The following BABAM2 variants were observed in gnomAD, a reference collection of about 807,000 sequenced individuals.
BABAM2 encodes BRISC and BRCA1-A complex member 2.
In BABAM2, 31 loss-of-function variants were observed where a neutral mutation model predicts 54.7. That is an observed-to-expected ratio of 0.57 (90% confidence interval 0.43 to 0.77). The LOEUF is 0.77. Among genes scored for constraint, BABAM2 ranks in the 30% least tolerant of loss-of-function variants. The probability of loss-of-function intolerance (pLI) is 0.00; values close to 1 mark genes in which losing one functional copy is unlikely to be tolerated. For missense variants in BABAM2, 364 were observed against 455.8 expected (o/e 0.80, Z 1.83); for synonymous variants, 167 against 162.9 (o/e 1.03, Z -0.19).
At chr2:28,291,214 C>T (rs931912238) in intron 10 of BABAM2, among the ~76,000 whole-genome samples, 2 of 152,164 alleles carry the variant, frequency 1.3e-5, no homozygotes, top group African/African-American at 2.4e-5. Context: ...CAAGGGCATA[C>T]CATGCTGTCT....
At chr2:28,126,176 G>A (rs890271718) in intron 6 of BABAM2, among the ~76,000 whole-genome samples, 100 of 151,270 alleles carry the variant, frequency 6.6e-4, no homozygotes, top group Non-Finnish European at 1.1e-3. Flanking sequence ...AAGTTTTAGG[G>A]TACATGTGCA....
At chr2:28,207,391 G>GCAA (rs1436161034) in intron 7 of BABAM2, among the ~76,000 whole-genome samples, 11 of 151,162 alleles carry the variant, frequency 7.3e-5, no homozygotes, top group Non-Finnish European at 1.2e-4. Flanking sequence ...AAAAACAGCA[G>GCAA]CAGCAACAAC....
chr2:27,892,038 A>G (rs1664898599), intron 1 of BABAM2, among the ~76,000 whole-genome samples: 1 of 152,178 alleles, frequency 6.6e-6, no homozygotes, highest in African/African-American at 2.4e-5. Context: ...CACATTTTAT[A>G]AGATATACGC....
intron 2 of BABAM2, among the ~76,000 whole-genome samples, chr2:27,895,475 C>T (rs1446725951): frequency 6.6e-6 from 1 of 151,930 alleles, no homozygotes; most frequent in Non-Finnish European, 1.5e-5. Flanking sequence ...ATGTTTTTTT[C>T]CCAAGTGTAG....
At chr2:28,107,459 C>T (rs1223785911) in intron 6 of BABAM2, among the ~76,000 whole-genome samples, 2 of 152,232 alleles carry the variant, frequency 1.3e-5, no homozygotes, top group African/African-American at 4.8e-5. Context: ...TCACCCTTCT[C>T]ACCAGTATCC....
intron 11 of BABAM2, among the ~76,000 whole-genome samples, chr2:28,319,894 G>A (rs572739257): frequency 9.2e-5 from 14 of 151,684 alleles, no homozygotes; most frequent in African/African-American, 3.2e-4. Flanking sequence ...GGCTCACGGT[G>A]GGGGAAGTGA....
intron 11 of BABAM2, among the ~76,000 whole-genome samples, chr2:28,334,444 G>A (rs963150864): frequency 6.6e-6 from 1 of 152,264 alleles, no homozygotes; most frequent in Admixed American, 6.5e-5. Context: ...CTATAGTGCA[G>A]CTCAGCTGCA....
chr2:28,111,098 A>T (rs981728561), intron 6 of BABAM2, among the ~76,000 whole-genome samples: 1 of 144,902 alleles, frequency 6.9e-6, no homozygotes, highest in Non-Finnish European at 1.5e-5. Flanking sequence ...CCTCCCAAGT[A>T]TCTGGGATTA....
At chr2:27,952,252 T>A (rs1444596915) in intron 3 of BABAM2, among the ~76,000 whole-genome samples, 1 of 152,244 alleles carries the variant, frequency 6.6e-6, no homozygotes, top group Non-Finnish European at 1.5e-5. Context: ...AATCTGACAG[T>A]CTTTGCCTGT....
chr2:28,163,705 A>T (rs933881788), intron 7 of BABAM2, among the ~76,000 whole-genome samples: 7 of 152,210 alleles, frequency 4.6e-5, no homozygotes, highest in African/African-American at 1.7e-4. Flanking sequence ...CCCCATCTTA[A>T]CACAATGTAC....
chr2:28,127,926 C>G (rs113759937), intron 6 of BABAM2, among the ~76,000 whole-genome samples: 1 of 151,950 alleles, frequency 6.6e-6, no homozygotes, highest in South Asian at 2.1e-4. Context: ...CCTGCCTCAG[C>G]GTCCCAAGCA....
chr2:27,997,604 G>A (rs532569237), intron 4 of BABAM2, among the ~76,000 whole-genome samples: 8 of 152,250 alleles, frequency 5.3e-5, no homozygotes, highest in African/African-American at 1.9e-4. Context: ...TAATTTGAAA[G>A]CATGTGTTAT....
chr2:28,072,391 C>CTT (rs879868312), intron 6 of BABAM2, among the ~76,000 whole-genome samples: 2 of 137,656 alleles, frequency 1.5e-5, no homozygotes, highest in Non-Finnish European at 1.6e-5. Flanking sequence ...AGCCTGGATT[C>CTT]TTTTTTTTTT....
At chr2:28,075,397 A>T (rs1050813382) in intron 6 of BABAM2, among the ~76,000 whole-genome samples, 9 of 152,234 alleles carry the variant, frequency 5.9e-5, no homozygotes, top group Non-Finnish European at 1.5e-5. Flanking sequence ...CTACTCCTTT[A>T]GTAAACAGTG....
rs1441398224 is a variant in BABAM2 at position 28,112,179 on chromosome 2, C to T, written c.571-17092C>T. Among the ~76,000 whole-genome samples the T allele has an allele frequency of 4.9e-4, 32 of 64,698 alleles. 3 individuals carry two copies. The highest frequency in any genetic ancestry group is 1.8e-3 in the East Asian group (3 of 1,680). 42.4% of individuals were successfully genotyped at this position (64,698 alleles called of 152,430 possible). On this transcript the variant is annotated intron_variant, in intron 6 of 11. Transcript: ENST00000379624. The stretch of plus-strand genomic sequence containing the variant: ...CCTCCCTCCCTCCCTCCCTCCCTCC[C>T]TCCCTCCCTCCCTCCCTCCCTTCCT...
At chr2:28,189,908 C>T (rs1558420573) in intron 7 of BABAM2, among the ~76,000 whole-genome samples, 1 of 152,160 alleles carries the variant, frequency 6.6e-6, no homozygotes, top group Admixed American at 6.5e-5. Context: ...CTACAATAAT[C>T]AAAGCAATAT....
At chr2:28,285,522 A>G (rs1244985188) in intron 10 of BABAM2, among the ~76,000 whole-genome samples, 3 of 152,200 alleles carry the variant, frequency 2.0e-5, no homozygotes, top group African/African-American at 4.8e-5. Context: ...AGGTTTCTGC[A>G]TGGGGGAATG....
intron 3 of BABAM2, among the ~76,000 whole-genome samples, chr2:27,949,282 C>T (rs1409821511): frequency 6.6e-6 from 1 of 152,178 alleles, no homozygotes; most frequent in Non-Finnish European, 1.5e-5. Context: ...CCTGTAATCC[C>T]AGCACTTTGG....
chr2:28,021,002 A>G (rs1359729125), intron 4 of BABAM2, among the ~76,000 whole-genome samples: 2 of 146,456 alleles, frequency 1.4e-5, no homozygotes, highest in South Asian at 2.1e-4. Flanking sequence ...AACTACTTGT[A>G]TGAGTTTACA....
Sources: gnomAD v4.1 joint callset for allele counts (sites outside exome capture counted in the v4.1 genomes callset) on GRCh38, gnomAD v4.1.1 for gene constraint, MANE v1.5 for transcripts, NCBI Gene and HGNC (gene_info 2026-07-23, HGNC 2026-07-21) for gene names.